The following PLCD4 variants were observed in gnomAD, a reference collection of about 807,000 sequenced individuals.
PLCD4 encodes the protein phospholipase C delta 4.
A neutral mutation model predicts 90.2 loss-of-function variants in PLCD4; 63 were observed. The observed-to-expected ratio is 0.70, with a 90% CI of 0.57 to 0.86. The LOEUF (loss-of-function observed/expected upper bound fraction) is 0.86, where lower values mean the gene tolerates loss of function less well. Among genes scored for constraint, PLCD4 ranks in the 40% least tolerant of loss-of-function variants. The probability of loss-of-function intolerance (pLI) is 0.00; values close to 1 mark genes in which losing one functional copy is unlikely to be tolerated. For missense variants in PLCD4, 830 were observed against 956.3 expected (o/e 0.87, Z 1.74); for synonymous variants, 294 against 356.5 (o/e 0.82, Z 1.97).
Position 218,618,572 on chromosome 2 carries a change from C to G in PLCD4, c.182-7C>G. On this transcript the variant is annotated splice_polypyrimidine_tract_variant and splice_region_variant and intron_variant, in intron 3 of 15. Coordinates refer to ENST00000450993, the MANE Select transcript of PLCD4 (RefSeq NM_032726.4). Reference sequence around the variant, plus strand: ...CTTAATGCCTCCACCTGTTTCTTCTCTGGCAGTCTCAATCTCTGATGTGGA... The same window carrying G: ...CTTAATGCCTCCACCTGTTTCTTCTGTGGCAGTCTCAATCTCTGATGTGGA... 6.2e-7 allele frequency: 1 copy of G among 1,613,108 alleles called. No homozygotes were observed. The highest frequency in any genetic ancestry group is 8.5e-7 in the Non-Finnish European group (1 of 1,179,154).
intron 9 of PLCD4, among the ~76,000 whole-genome samples, chr2:218,631,337 G>A (rs112245453): frequency 0.066 from 9,988 of 152,056 alleles, 425 homozygotes; most frequent in Middle Eastern, 0.11. Flanking sequence ...GCTAGTTTTT[G>A]TATTTTAGTA....
intron 4 of PLCD4, 26 bp from the exon 5 acceptor site, chr2:218,621,444 G>A: frequency 1.2e-6 from 2 of 1,613,486 alleles, no homozygotes; most frequent in African/African-American, 1.3e-5. Flanking sequence ...AGATACATTA[G>A]TGCTTTTGCC....
At chr2:218,632,105 G>C (rs1225042712) in intron 9 of PLCD4, 31 bp from the exon 10 acceptor site, 4 of 1,569,654 alleles carry the variant, frequency 2.5e-6, no homozygotes, top group Non-Finnish European at 3.5e-6. Context: ...GAGCAGACAG[G>C]TAGACAGGCC....
chr2:218,628,355 T>A, intron 7 of PLCD4, 125 bp downstream of exon 7: 1 of 883,700 alleles, frequency 1.1e-6, no homozygotes, highest in South Asian at 1.6e-5. Context: ...GAGCCCTGGA[T>A]ACCAGAGACA....
intron 1 of PLCD4, among the ~76,000 whole-genome samples, chr2:218,611,553 CTT>C (rs1410409183): frequency 6.6e-6 from 1 of 152,160 alleles, no homozygotes; most frequent in Non-Finnish European, 1.5e-5. Flanking sequence ...AGAGGTTAGA[CTT>C]CAGCCCCAGG....
At chr2:218,611,911 G>T (rs953561850) in intron 1 of PLCD4, among the ~76,000 whole-genome samples, 9 of 150,080 alleles carry the variant, frequency 6.0e-5, no homozygotes, top group Admixed American at 3.3e-4. Context: ...ACCTAAGAGA[G>T]GTCTGTTGCT....
intron 3 of PLCD4, among the ~76,000 whole-genome samples, chr2:218,616,664 C>G (rs2106124347): frequency 6.6e-6 from 1 of 151,414 alleles, no homozygotes; most frequent in Admixed American, 6.6e-5. Context: ...CTGCAGTGAG[C>G]TGTGATCACA....
At chr2:218,621,804 G>A (rs1298650870) in intron 5 of PLCD4, among the ~76,000 whole-genome samples, 1 of 152,158 alleles carries the variant, frequency 6.6e-6, no homozygotes, top group Non-Finnish European at 1.5e-5. Context: ...ATTCGGCCGG[G>A]CGCAGTGGCT....
chr2:218,627,743 A>G (rs1415909737), intron 6 of PLCD4, among the ~76,000 whole-genome samples: 1 of 152,082 alleles, frequency 6.6e-6, no homozygotes, highest in Non-Finnish European at 1.5e-5. Context: ...CGATCTCCTG[A>G]CCTCGTGATC....
chr2:218,637,052 T>C lies in PLCD4; in HGVS notation c.*475T>C. The C allele has an allele frequency of 2.5e-6, 1 of 394,298 alleles. No homozygotes were observed. Among genetic ancestry groups the C allele is most frequent in the South Asian group, 1.9e-5 (1 of 51,586 alleles). 24.4% of individuals were successfully genotyped at this position (394,298 alleles called of 1,614,324 possible). ...GGCTCAAGGCTTCCCCAGCAAAGAT[T>C]AGGGAAAGAGACTTGACCCCAGGAC... On this transcript the variant is annotated 3_prime_UTR_variant, in exon 16 of 16. Coordinates refer to ENST00000450993, the MANE Select transcript of PLCD4 (RefSeq NM_032726.4).
chr2:218,616,925 TATAGAGAGAGAG>T (rs1299102652), intron 3 of PLCD4, among the ~76,000 whole-genome samples: 15 of 22,234 alleles, frequency 6.7e-4, no homozygotes, highest in African/African-American at 2.9e-3. Context: ...TATATATATA[TATAGAGAGAGAG>T]AGAGAGAGAG....
intron 7 of PLCD4, chr2:218,628,469 C>A: frequency 2.2e-6 from 1 of 464,298 alleles, no homozygotes; most frequent in Non-Finnish European, 3.9e-6. Context: ...AACTCAGAGG[C>A]CCTGACAGAT....
chr2:218,614,449 C>CAGAGT (rs1695490137), intron 1 of PLCD4, among the ~76,000 whole-genome samples: 1 of 151,374 alleles, frequency 6.6e-6, no homozygotes, highest in Non-Finnish European at 1.5e-5. Flanking sequence ...CCGTGCCCAG[C>CAGAGT]CTTTTTCCTC....
At chr2:218,616,923 TATATAGAGAGAGAGAGAGAGAGAGAGAG>T (rs1695620967) in intron 3 of PLCD4, among the ~76,000 whole-genome samples, 1 of 24,140 alleles carries the variant, frequency 4.1e-5, no homozygotes. Flanking sequence ...TATATATATA[TATATAGAGAGAGAGAGAGAGAGAGAGAG>T]AGAGAGAGAG....
At chr2:218,613,954 C>A (rs1185105363) in intron 1 of PLCD4, among the ~76,000 whole-genome samples, 1 of 152,050 alleles carries the variant, frequency 6.6e-6, no homozygotes, top group Non-Finnish European at 1.5e-5. Context: ...AGTTTGTTGT[C>A]AGCTACTAGG....
chr2:218,634,528 C>T lies in PLCD4; in HGVS notation c.1794C>T (p.Gly598=), dbSNP rs1326446490. ...ICDGHFRQNG[G]CGYVLKPDFL... Reference sequence around the variant, plus strand: ...ATGGGCATTTCCGCCAGAATGGCGGCTGTGGCTATGTGCTGAAGCCAGACT... The same window carrying T: ...ATGGGCATTTCCGCCAGAATGGCGGTTGTGGCTATGTGCTGAAGCCAGACT... The change falls in exon 13 of 16, where the codon GGC becomes GGT. Residue 598 remains glycine (G), a synonymous_variant. Transcript: ENST00000450993. This position sits in a 1 kb window ranked among gnomAD's most constrained non-coding sequence, Gnocchi z 4.0. 6.2e-7 allele frequency: 1 copy of T among 1,614,010 alleles called. No individual in the cohort carries two copies. Among genetic ancestry groups the T allele is most frequent in the Non-Finnish European group, 8.5e-7 (1 of 1,179,892 alleles).
At chr2:218,629,795 G>C (rs564798912) in intron 8 of PLCD4, 132 bp downstream of exon 8, 10 of 952,428 alleles carry the variant, frequency 1.0e-5, no homozygotes, top group Middle Eastern at 3.4e-4. Flanking sequence ...TAAAGCATCA[G>C]GCAAATACTA....
intron 1 of PLCD4, chr2:218,609,870 T>C (rs1695251847): frequency 6.6e-6 from 1 of 151,538 alleles, no homozygotes; most frequent in South Asian, 2.1e-4. Context: ...ATTAGTGGAG[T>C]CAAAAGAGGG....
chr2:218,621,408 GTGCACACACAAC>G (rs1695874349), intron 4 of PLCD4, 50 bp from the exon 5 acceptor site: 3 of 1,594,002 alleles, frequency 1.9e-6, no homozygotes, highest in Admixed American at 1.7e-5. Flanking sequence ...GTGGACGAAG[GTGCACACACAAC>G]TGCACACACA....
Sources: allele counts gnomAD v4.1 joint callset (sites outside exome capture counted in the v4.1 genomes callset), GRCh38; gene constraint gnomAD v4.1.1; non-coding constraint Gnocchi (gnomAD v3.1); transcripts MANE v1.5; gene names NCBI Gene and HGNC (gene_info 2026-07-23, HGNC 2026-07-21).